Variants in ASTN2 observed in about 807,000 individuals in gnomAD.
ASTN2 encodes the protein astrotactin-2.
A neutral mutation model predicts 139.8 loss-of-function variants in ASTN2; 54 were observed. The ratio of observed to expected loss-of-function variants is 0.39; its 90% CI spans 0.31 to 0.48. The LOEUF is 0.48. ASTN2 is among the 20% of genes least tolerant of loss of function. ASTN2 has a pLI of 0.95. For missense variants in ASTN2, 1,565 were observed against 1,725.1 expected (o/e 0.91, Z 1.64); for synonymous variants, 756 against 719.5 (o/e 1.05, Z -0.81).
intron 13 of ASTN2, among the ~76,000 whole-genome samples, chr9:116,796,227 T>C (rs1457547709): frequency 1.3e-5 from 2 of 152,208 alleles, no homozygotes; most frequent in Non-Finnish European, 2.9e-5. Flanking sequence ...AAATAATGTG[T>C]CTATAGTCAC....
chr9:116,976,868 CAT>C (rs1311575517), intron 7 of ASTN2, 83 bp from the exon 8 acceptor site: 3 of 1,265,780 alleles, frequency 2.4e-6, no homozygotes. Context: ...TTTCCTAAGA[CAT>C]AAAGTGAGCT....
chr9:117,165,627 G>A (rs900752623), intron 3 of ASTN2, among the ~76,000 whole-genome samples: 23 of 152,090 alleles, frequency 1.5e-4, no homozygotes, highest in Admixed American at 1.4e-3. Context: ...AGGGCCACCT[G>A]TGTTCACTCT....
intron 11 of ASTN2, among the ~76,000 whole-genome samples, chr9:116,856,428 G>A (rs1832743650): frequency 1.3e-5 from 2 of 152,200 alleles, no homozygotes; most frequent in Admixed American, 1.3e-4. Context: ...TGTGCTCCAA[G>A]GTGATTTCTC....
Position 116,462,787 on chromosome 9 carries a change from C to CGTGTGTGTGTGTGTGTGTGTGTGTGT in ASTN2, c.3498-20235_3498-20234insACACACACACACACACACACACACAC, listed in dbSNP as rs1376062376. ...TCTTTAAGGGTAAGTGTTGGGTGAGCATGTGTGTGTGTGTGTGTGTGTGTG... is the reference window on the plus strand; with the variant it reads ...TCTTTAAGGGTAAGTGTTGGGTGAGCGTGTGTGTGTGTGTGTGTGTGTGTGTATGTGTGTGTGTGTGTGTGTGTGTG... On this transcript the variant is annotated intron_variant, in intron 20 of 22. Coordinates refer to ENST00000313400, the MANE Select transcript of ASTN2 (RefSeq NM_001365068.1). Among the ~76,000 whole-genome samples the CGTGTGTGTGTGTGTGTGTGTGTGTGT allele has an allele frequency of 5.7e-4, 56 of 97,630 alleles. 1 individual carries two copies. The East Asian group carries it at 0.015, about 25-fold the overall frequency. 64.0% of individuals were successfully genotyped at this position (97,630 alleles called of 152,430 possible).
intron 5 of ASTN2, among the ~76,000 whole-genome samples, chr9:117,055,122 G>A (rs1008486010): frequency 1.3e-5 from 2 of 152,204 alleles, no homozygotes. Context: ...TGCAGCCTGG[G>A]GGACCCCTGT....
At chr9:116,562,733 T>A (rs1276738808) in intron 19 of ASTN2, among the ~76,000 whole-genome samples, 1 of 64,460 alleles carries the variant, frequency 1.6e-5, no homozygotes, top group Non-Finnish European at 2.8e-5. Context: ...ACTGCCTCAT[T>A]AAAAAAAAAA....
chr9:116,589,333 G>C (rs1381789446), intron 19 of ASTN2, among the ~76,000 whole-genome samples: 1 of 152,194 alleles, frequency 6.6e-6, no homozygotes, highest in Admixed American at 6.5e-5. Context: ...TCAAAATGGA[G>C]TACAAACATT....
At chr9:117,392,562 T>C (rs1830570717) in intron 1 of ASTN2, among the ~76,000 whole-genome samples, 1 of 152,234 alleles carries the variant, frequency 6.6e-6, no homozygotes, top group Non-Finnish European at 1.5e-5. Context: ...TACAACCTAA[T>C]TGGGCATAGG....
chr9:117,041,513 G>T (rs1229312181), intron 5 of ASTN2, among the ~76,000 whole-genome samples: 1 of 152,080 alleles, frequency 6.6e-6, no homozygotes, highest in Non-Finnish European at 1.5e-5. Flanking sequence ...GTTGTGTAGT[G>T]CTATTTATTC....
chr9:116,516,574 A>C (rs1850659475), intron 19 of ASTN2, among the ~76,000 whole-genome samples: 1 of 152,216 alleles, frequency 6.6e-6, no homozygotes, highest in Admixed American at 6.5e-5. Flanking sequence ...CTTTTGCTCC[A>C]AGAACTACTG....
At chr9:117,248,389 A>G (rs1833444437) in intron 2 of ASTN2, among the ~76,000 whole-genome samples, 1 of 152,268 alleles carries the variant, frequency 6.6e-6, no homozygotes, top group Non-Finnish European at 1.5e-5. Flanking sequence ...TAGAGGAAAT[A>G]GAATGAGGAA....
At chr9:117,009,109 G>C (rs1313869887) in intron 6 of ASTN2, among the ~76,000 whole-genome samples, 2 of 152,122 alleles carry the variant, frequency 1.3e-5, no homozygotes, top group Non-Finnish European at 2.9e-5. Flanking sequence ...CTCAGCTCCA[G>C]CAGCTCTTGC....
chr9:117,110,908 G>C (rs984688055), intron 4 of ASTN2, among the ~76,000 whole-genome samples: 2 of 152,168 alleles, frequency 1.3e-5, no homozygotes, highest in African/African-American at 2.4e-5. Context: ...ATCAAGAAAA[G>C]GAGAGACTCA....
At chr9:117,160,938 TACACAC>T (rs150471064) in intron 3 of ASTN2, among the ~76,000 whole-genome samples, 4 of 150,492 alleles carry the variant, frequency 2.7e-5, no homozygotes, top group Non-Finnish European at 3.0e-5. Flanking sequence ...AATTATAAAG[TACACAC>T]ACACACACAC....
At chr9:117,225,533 A>ATGTGTG (rs1365341609) in intron 2 of ASTN2, among the ~76,000 whole-genome samples, 7 of 55,562 alleles carry the variant, frequency 1.3e-4, no homozygotes, top group African/African-American at 4.6e-4. Flanking sequence ...GCCAAGCTGT[A>ATGTGTG]TGTATATATA....
At chr9:116,894,726 G>A (rs757410250) in intron 10 of ASTN2, among the ~76,000 whole-genome samples, 9 of 152,142 alleles carry the variant, frequency 5.9e-5, no homozygotes, top group African/African-American at 9.7e-5. Context: ...TTACAGACGA[G>A]AGCCACCGAT....
intron 19 of ASTN2, among the ~76,000 whole-genome samples, chr9:116,572,713 T>C (rs1853570240): frequency 6.6e-6 from 1 of 152,182 alleles, no homozygotes; most frequent in African/African-American, 2.4e-5. Context: ...AATCTATGCT[T>C]ACCCAATGAC....
intron 1 of ASTN2, among the ~76,000 whole-genome samples, chr9:117,386,787 G>A (rs1830412091): frequency 6.6e-6 from 1 of 152,116 alleles, no homozygotes; most frequent in African/African-American, 2.4e-5. Context: ...ACCCACATGT[G>A]CTGCAGCACC....
chr9:116,970,049 C>T (rs1178217796), intron 10 of ASTN2, among the ~76,000 whole-genome samples: 2 of 152,178 alleles, frequency 1.3e-5, no homozygotes, highest in Admixed American at 6.5e-5. Context: ...TTGTGATTGC[C>T]TCACTCCAGT....
Sources: allele counts gnomAD v4.1 joint callset (sites outside exome capture counted in the v4.1 genomes callset), GRCh38; gene constraint gnomAD v4.1.1; transcripts MANE v1.5; gene names NCBI Gene and HGNC (gene_info 2026-07-23, HGNC 2026-07-21).